The following PLS1 variants were observed in gnomAD, a reference collection of about 807,000 sequenced individuals.
PLS1 encodes the protein plastin-1.
PLS1 carries 32 observed loss-of-function variants against 73.7 expected under a neutral mutation model. That is an observed-to-expected ratio of 0.43 (90% CI 0.33 to 0.58). The LOEUF (loss-of-function observed/expected upper bound fraction) is 0.58. PLS1 is among the 20% of genes least tolerant of loss of function. PLS1 has a pLI of 0.04. For synonymous variants in PLS1, 217 were observed against 261.3 expected (o/e 0.83, Z 1.63); for missense variants, 633 against 740.5 (o/e 0.85, Z 1.68).
At chr3:142,603,763 C>T (rs1172710698) in intron 1 of PLS1, among the ~76,000 whole-genome samples, 1 of 110,526 alleles carries the variant, frequency 9.0e-6, no homozygotes, top group Non-Finnish European at 1.9e-5. Flanking sequence ...AAGTGAAACC[C>T]TGCCTCAAAA....
intron 1 of PLS1, among the ~76,000 whole-genome samples, chr3:142,641,728 T>C (rs1470258479): frequency 6.6e-6 from 1 of 152,108 alleles, no homozygotes; most frequent in Non-Finnish European, 1.5e-5. Flanking sequence ...CTTTTGCCTT[T>C]GTGAGATCCT....
chr3:142,702,012 A>G (rs1354778395), intron 12 of PLS1, among the ~76,000 whole-genome samples: 1 of 152,240 alleles, frequency 6.6e-6, no homozygotes, highest in Non-Finnish European at 1.5e-5. Context: ...ATGATTCCAA[A>G]AAATGTTTTG....
intron 6 of PLS1, among the ~76,000 whole-genome samples, 194 bp downstream of exon 6, chr3:142,678,307 A>G (rs932063244): frequency 6.0e-5 from 9 of 149,958 alleles, no homozygotes; most frequent in Non-Finnish European, 1.2e-4. Context: ...GTTTTAGGGT[A>G]CATGTGCACA....
intron 1 of PLS1, among the ~76,000 whole-genome samples, chr3:142,617,569 C>T (rs1156295458): frequency 6.6e-6 from 1 of 152,104 alleles, no homozygotes; most frequent in East Asian, 1.9e-4. Flanking sequence ...TATTTTAGAT[C>T]TCATTCAGAT....
intron 1 of PLS1, among the ~76,000 whole-genome samples, chr3:142,607,495 T>C (rs1010935585): frequency 6.6e-6 from 1 of 152,200 alleles, no homozygotes; most frequent in Non-Finnish European, 1.5e-5. Context: ...AGGATGATCT[T>C]GATCTCTGGA....
chr3:142,707,826 G>T (rs78436057), intron 14 of PLS1, among the ~76,000 whole-genome samples: 2 of 152,126 alleles, frequency 1.3e-5, no homozygotes, highest in Middle Eastern at 3.2e-3. Context: ...ATCAGCTAAG[G>T]GGGGAGTGTG....
chr3:142,667,726 T>TC (rs2037510001), intron 2 of PLS1, among the ~76,000 whole-genome samples: 1 of 152,220 alleles, frequency 6.6e-6, no homozygotes, highest in African/African-American at 2.4e-5. Context: ...GCAAATAACT[T>TC]CCTCAGTCTT....
rs181360638 is a variant in PLS1 at position 142,646,356 on chromosome 3, C to A, written c.-36-17846C>A. On this transcript the variant is annotated intron_variant, in intron 1 of 15. Coordinates refer to ENST00000457734, the MANE Select transcript of PLS1 (RefSeq NM_001145319.2). Reference sequence around the variant, plus strand: ...GATTTTATGAGCCATGTTTATAGAACCTTCATGTGTTTTTGATTGGATGCA... The same window carrying A: ...GATTTTATGAGCCATGTTTATAGAAACTTCATGTGTTTTTGATTGGATGCA... Among the ~76,000 whole-genome samples, 7 of 152,232 alleles carry A rather than the reference C, an allele frequency of 4.6e-5. No homozygotes were observed. The East Asian group carries it at 1.3e-3, about 29-fold the overall frequency.
chr3:142,668,851 C>G (rs1180603701), intron 2 of PLS1, among the ~76,000 whole-genome samples: 4 of 152,036 alleles, frequency 2.6e-5, no homozygotes, highest in African/African-American at 9.7e-5. Context: ...ATCTGCCTAC[C>G]TCGGCCTCCC....
chr3:142,600,908 A>ATTTT (rs2035909819), intron 1 of PLS1, among the ~76,000 whole-genome samples: 2 of 27,530 alleles, frequency 7.3e-5, no homozygotes, highest in African/African-American at 2.6e-4. Context: ...ATATATATAT[A>ATTTT]TATATATATT....
chr3:142,692,107 A>G (rs2038096961), intron 10 of PLS1, among the ~76,000 whole-genome samples: 1 of 152,178 alleles, frequency 6.6e-6, no homozygotes, highest in Admixed American at 6.5e-5. Context: ...ATGGAAGAAT[A>G]CAGTATGTGT....
At chr3:142,660,047 A>G (rs528178653) in intron 1 of PLS1, among the ~76,000 whole-genome samples, 1 of 152,128 alleles carries the variant, frequency 6.6e-6, no homozygotes, top group Non-Finnish European at 1.5e-5. Flanking sequence ...TTGATCTTTT[A>G]TCCTCCCTCA....
chr3:142,608,425 A>G (rs2036063098), intron 1 of PLS1, among the ~76,000 whole-genome samples: 2 of 152,212 alleles, frequency 1.3e-5, no homozygotes, highest in South Asian at 2.1e-4. Flanking sequence ...CCATAGTACT[A>G]TGGCAGCAAG....
At chr3:142,613,671 G>C (rs1388286008) in intron 1 of PLS1, among the ~76,000 whole-genome samples, 4 of 152,116 alleles carry the variant, frequency 2.6e-5, no homozygotes, top group African/African-American at 9.7e-5. Context: ...GCCACCCTGG[G>C]GTGCGTCTCT....
At chr3:142,600,713 T>A (rs1279262418) in intron 1 of PLS1, among the ~76,000 whole-genome samples, 5 of 151,440 alleles carry the variant, frequency 3.3e-5, no homozygotes, top group Non-Finnish European at 1.5e-5. Flanking sequence ...GCCACATCCT[T>A]GCCATTGACT....
At chr3:142,678,254 CT>C (rs967135560) in intron 6 of PLS1, 141 bp downstream of exon 6, 47 of 338,680 alleles carry the variant, frequency 1.4e-4, no homozygotes, top group South Asian at 2.8e-4. Flanking sequence ...TTTTGGAATC[CT>C]TTTTTTTATT....
intron 12 of PLS1, 50 bp downstream of exon 12, chr3:142,698,117 C>T (rs1284460288): frequency 9.2e-7 from 1 of 1,092,760 alleles, no homozygotes; most frequent in South Asian, 1.3e-5. Flanking sequence ...TGATATGAAA[C>T]AAAGAATTTA....
At chr3:142,601,765 C>T (rs2035932019) in intron 1 of PLS1, among the ~76,000 whole-genome samples, 1 of 152,136 alleles carries the variant, frequency 6.6e-6, no homozygotes, top group Non-Finnish European at 1.5e-5. Context: ...AATCCTCCCA[C>T]CTCAGCTTCC....
At chr3:142,659,537 ATTTG>A (rs2037317791) in intron 1 of PLS1, among the ~76,000 whole-genome samples, 4 of 152,078 alleles carry the variant, frequency 2.6e-5, no homozygotes, top group African/African-American at 9.6e-5. Context: ...CTTTTCAGTT[ATTTG>A]TTTGTTTTGG....
Sources: allele counts gnomAD v4.1 joint callset (sites outside exome capture counted in the v4.1 genomes callset), GRCh38; gene constraint gnomAD v4.1.1; transcripts MANE v1.5; gene names NCBI Gene and HGNC (gene_info 2026-07-23, HGNC 2026-07-21).